The following TENM4 variants were observed in gnomAD, a reference collection of about 807,000 sequenced individuals.
TENM4 encodes the protein teneurin transmembrane protein 4.
TENM4 carries 82 observed loss-of-function variants against 243.3 expected under a neutral mutation model. The observed-to-expected ratio is 0.34, with a 90% confidence interval of 0.28 to 0.40. The LOEUF is 0.40. TENM4 is among the 10% of genes least tolerant of loss of function. The pLI, the probability that TENM4 is intolerant of heterozygous loss-of-function variation, is 1.00. For missense variants in TENM4, 3,138 were observed against 3,673.3 expected (o/e 0.85, Z 3.77); for synonymous variants, 1,412 against 1,456.3 (o/e 0.97, Z 0.69).
chr11:78,906,921 C>T (rs538124609), intron 6 of TENM4, among the ~76,000 whole-genome samples: 51 of 152,270 alleles, frequency 3.3e-4, no homozygotes, highest in African/African-American at 1.2e-3. Context: ...GCTGTCAGTG[C>T]AAGCAAGTGA....
intron 2 of TENM4, among the ~76,000 whole-genome samples, chr11:79,239,733 C>T (rs986749161): frequency 1.3e-5 from 2 of 152,156 alleles, no homozygotes; most frequent in African/African-American, 2.4e-5. Flanking sequence ...GGGCACTCTG[C>T]GGAGTGTTCT....
At chr11:79,101,862 C>T (rs1861240588) in intron 4 of TENM4, among the ~76,000 whole-genome samples, 1 of 152,112 alleles carries the variant, frequency 6.6e-6, no homozygotes, top group Non-Finnish European at 1.5e-5. Context: ...GTTTTCATAC[C>T]ACTCCAGCCA....
intron 12 of TENM4, among the ~76,000 whole-genome samples, chr11:78,846,708 A>G (rs1436488027): frequency 2.2e-5 from 3 of 136,500 alleles, no homozygotes; most frequent in Non-Finnish European, 3.4e-5. Context: ...AGCCCATGAG[A>G]AACCTCAAGG....
At position 78,702,099 on chromosome 11, in the gene TENM4, A is replaced by G. The variant is rs1043286853; in HGVS notation, c.4514T>C (p.Leu1505Pro). The change falls in exon 28 of 34, where the codon CTC becomes CCC. Residue 1505 changes from leucine (L) to proline (P), a missense_variant. Leu to Pro is a moderately conservative substitution (Grantham distance 98). Transcript: ENST00000278550. Reference sequence around the variant, plus strand: ...ACAGCCACTGGGGGCCCCAGCAACGAGTGAGATCTCTCCACTAGTGGTGAC... The same window carrying G: ...ACAGCCACTGGGGGCCCCAGCAACGGGTGAGATCTCTCCACTAGTGGTGAC... Reference protein sequence around the residue: ...RQVTTSGEISLVAGAPSGCDC... With the variant: ...RQVTTSGEISPVAGAPSGCDC... 1.9e-6 allele frequency: 3 copies of G among 1,613,840 alleles called. No homozygotes were observed. The African/African-American group carries it at 4.0e-5, about 22-fold the overall frequency.
intron 1 of TENM4, among the ~76,000 whole-genome samples, chr11:79,370,200 A>G (rs575427806): frequency 1.3e-5 from 2 of 152,356 alleles, no homozygotes; most frequent in East Asian, 3.9e-4. Flanking sequence ...CTCACAGGCC[A>G]TGGAGGCCAA....
chr11:79,299,081 CACACAT>C (rs1054270040), intron 1 of TENM4, among the ~76,000 whole-genome samples: 7 of 151,664 alleles, frequency 4.6e-5, no homozygotes, highest in African/African-American at 1.5e-4. Flanking sequence ...CACACACACA[CACACAT>C]ACACACACAC....
intron 1 of TENM4, among the ~76,000 whole-genome samples, chr11:79,371,560 T>G (rs1857787290): frequency 6.6e-6 from 1 of 152,208 alleles, no homozygotes; most frequent in Non-Finnish European, 1.5e-5. Flanking sequence ...TCACATATTC[T>G]AGAAGGATAA....
In TENM4 at chr11:78,790,112, G is replaced by A. The variant is rs187651230; in HGVS notation, c.2180-3029C>T. On this transcript the variant is annotated intron_variant, in intron 15 of 33. Coordinates refer to ENST00000278550, the MANE Select transcript of TENM4 (RefSeq NM_001098816.3). ...TGTACCTGGTGCTAGAAATACAGAG[G>A]TCAATAAGATATAATCTCTGCCCCC... 4.7e-3 allele frequency among the ~76,000 whole-genome samples: 712 copies of A among 152,220 alleles called. 3 individuals carry two copies. The highest frequency in any genetic ancestry group is 6.0e-3 in the Non-Finnish European group (405 of 68,004).
intron 1 of TENM4, among the ~76,000 whole-genome samples, chr11:79,395,237 T>C (rs552604): frequency 0.34 from 51,602 of 152,062 alleles, 8,680 homozygotes; most frequent in East Asian, 0.37. Flanking sequence ...CTATTTTCCT[T>C]CCAGTCCCTT....
At chr11:79,197,555 C>G (rs1389074569) in intron 3 of TENM4, among the ~76,000 whole-genome samples, 4 of 152,150 alleles carry the variant, frequency 2.6e-5, no homozygotes, top group Non-Finnish European at 5.9e-5. Flanking sequence ...TAACACTCTC[C>G]CCACACATCA....
intron 12 of TENM4, among the ~76,000 whole-genome samples, chr11:78,816,992 G>C (rs570337385): frequency 7.2e-5 from 11 of 152,302 alleles, no homozygotes; most frequent in Non-Finnish European, 1.5e-4. Context: ...GAAGGCAATG[G>C]TGGAGATGAT....
chr11:79,422,811 C>T (rs1267401273), intron 1 of TENM4, among the ~76,000 whole-genome samples: 1 of 152,148 alleles, frequency 6.6e-6, no homozygotes, highest in African/African-American at 2.4e-5. Flanking sequence ...GGCCCAGGAG[C>T]CTCTCTGGGC....
chr11:79,081,530 A>AGTT (rs1860672489), intron 4 of TENM4, among the ~76,000 whole-genome samples: 2 of 53,334 alleles, frequency 3.7e-5, no homozygotes, highest in Admixed American at 1.7e-4. Context: ...TTCCTGTCAG[A>AGTT]GGTGGTGTGT....
rs746382787 is a variant in TENM4, at chr11:79,276,014, G to T, written c.-265+21474C>A. Among the ~76,000 whole-genome samples the T allele has an allele frequency of 1.7e-3, 261 of 152,164 alleles. 3 individuals carry two copies. Among genetic ancestry groups the T allele is most frequent in the Admixed American group, 4.6e-4 (7 of 15,266 alleles). On this transcript the variant is annotated intron_variant, in intron 2 of 33. Coordinates refer to ENST00000278550, the MANE Select transcript of TENM4 (RefSeq NM_001098816.3). ...TTTCTGATTATATCTTCATTATGCC[G>T]CCTAAAAACGAGCAGATAAATAGAC...
intron 4 of TENM4, among the ~76,000 whole-genome samples, chr11:79,136,726 C>T (rs2137178226): frequency 6.6e-6 from 1 of 152,312 alleles, no homozygotes; most frequent in East Asian, 1.9e-4. Context: ...TCACAGAATG[C>T]CTTATCCACT....
In TENM4 at chr11:78,729,602, C is replaced by A. The variant is rs1346582883; in HGVS notation, c.3180G>T (p.Arg1060Ser). The A allele has an allele frequency of 3.1e-6, 5 of 1,613,234 alleles. No homozygotes were observed. The highest frequency in any genetic ancestry group is 4.2e-6 in the Non-Finnish European group (5 of 1,179,414). The change falls in exon 22 of 34, where the codon AGG (arginine) becomes AGT (serine). Residue 1060 changes from arginine to serine, a missense_variant. Around this residue, in one of 2 missense-constraint regions of TENM4, gnomAD observed 2,467 missense variants for 3,059.1 expected, o/e 0.81. Coordinates refer to ENST00000278550, the MANE Select transcript of TENM4 (RefSeq NM_001098816.3). ...EEISISGCKM[R>S]LSYLSSRTPG... is the part of the protein sequence containing the mutation. ...GGGTCCGGCTGCTCAGGTAGCTCAG[C>A]CTCATCTTGCAGCCAGAGATAGAGA...
intron 3 of TENM4, among the ~76,000 whole-genome samples, chr11:79,153,627 C>T (rs781078386): frequency 2.2e-4 from 33 of 152,252 alleles, no homozygotes; most frequent in African/African-American, 7.9e-4. Context: ...TGTGGGAAAC[C>T]GAAGCAGTGG....
chr11:79,197,602 C>T (rs899834106), intron 3 of TENM4, among the ~76,000 whole-genome samples: 1 of 152,298 alleles, frequency 6.6e-6, no homozygotes, highest in Admixed American at 6.5e-5. Flanking sequence ...CCACTTCCAT[C>T]CTCCTGTGAT....
intron 1 of TENM4, among the ~76,000 whole-genome samples, chr11:79,330,529 A>T (rs922635322): frequency 1.3e-5 from 2 of 152,224 alleles, no homozygotes; most frequent in African/African-American, 4.8e-5. Context: ...AACTTAATAA[A>T]GGGCAAATGC....
Sources: gnomAD v4.1 joint callset for allele counts (sites outside exome capture counted in the v4.1 genomes callset) on GRCh38, gnomAD v4.1.1 for gene constraint, gnomAD v4.1.1 regional missense constraint, MANE v1.5 for transcripts, NCBI Gene and HGNC (gene_info 2026-07-23, HGNC 2026-07-21) for gene names.